Variants in SFXN5 observed in about 807,000 individuals in gnomAD.
SFXN5 encodes the protein sideroflexin-5.
SFXN5 carries 43 observed loss-of-function variants against 50.2 expected under a neutral mutation model. The ratio of observed to expected loss-of-function variants is 0.86; its 90% confidence interval spans 0.67 to 1.11. The LOEUF is 1.11. Among genes scored for constraint, SFXN5 ranks in the 50% least tolerant of loss-of-function variants. SFXN5 has a pLI of 0.00. For missense variants in SFXN5, 463 were observed against 454.1 expected, an observed-to-expected ratio of 1.02 and a Z score of -0.18; for synonymous variants, 203 against 185.8, an observed-to-expected ratio of 1.09 and a Z score of -0.75.
intron 12 of SFXN5, chr2:72,967,467 A>AG (rs376228594): frequency 2.6e-5 from 4 of 152,278 alleles, no homozygotes; most frequent in East Asian, 3.9e-4. Context: ...GGCCTCTTTG[A>AG]GGGGGTGGCA....
chr2:73,053,022 C>T (rs966020833), intron 2 of SFXN5, among the ~76,000 whole-genome samples: 1 of 152,094 alleles, frequency 6.6e-6, no homozygotes, highest in Non-Finnish European at 1.5e-5. Flanking sequence ...TACAAAAATA[C>T]AAAAATTATC....
chr2:72,980,377 C>T (rs1387456898), intron 10 of SFXN5, among the ~76,000 whole-genome samples: 2 of 152,150 alleles, frequency 1.3e-5, no homozygotes, highest in African/African-American at 2.4e-5. Flanking sequence ...CTCTCACACT[C>T]GAATCACAGC....
Position 73,000,282 on chromosome 2 carries a change from G to A in SFXN5, c.468+149C>T, listed in dbSNP as rs567041687. ...TCATGTCTGAGTCGGCCACCCACCT[G>A]AAGGGCTGGCATTTTAAATAAGATA... On this transcript the variant is annotated intron_variant, in intron 8 of 13. Coordinates refer to ENST00000272433, the MANE Select transcript of SFXN5 (RefSeq NM_144579.3). The A allele has an allele frequency of 3.5e-5, 27 of 763,526 alleles. No homozygotes were observed. In the African/African-American group the frequency reaches 4.1e-4, roughly 12 times the overall value. The allele number at this position is 763,526 out of a possible 1,614,324, so 47.3% of individuals were successfully genotyped here.
intron 1 of SFXN5, among the ~76,000 whole-genome samples, chr2:73,065,460 G>A (rs1387674250): frequency 6.6e-6 from 1 of 151,932 alleles, no homozygotes; most frequent in Non-Finnish European, 1.5e-5. Context: ...GAGTGCAATG[G>A]TGCAATCTCG....
chr2:73,038,258 A>G (rs1679210639), intron 3 of SFXN5, among the ~76,000 whole-genome samples: 1 of 152,198 alleles, frequency 6.6e-6, no homozygotes, highest in African/African-American at 2.4e-5. Flanking sequence ...GTGTATGTAA[A>G]CGGTTTGTGT....
At position 73,000,503 on chromosome 2, in the gene SFXN5, G is replaced by A. The variant is rs776038860; in HGVS notation, c.412-16C>T. 3.2e-6 allele frequency: 5 copies of A among 1,555,942 alleles called. 1 individual carries two copies. In the South Asian group the frequency reaches 3.6e-5, roughly 11 times the overall value. On this transcript the variant is annotated splice_polypyrimidine_tract_variant and intron_variant, in intron 7 of 13. Coordinates refer to ENST00000272433, the MANE Select transcript of SFXN5 (RefSeq NM_144579.3). ...GGTTCAGCCACTGAAAGGCAATGAT[G>A]AGAGAAGTCAGGGAAGGAGTGGTCA...
intron 3 of SFXN5, among the ~76,000 whole-genome samples, chr2:73,027,088 TAAAC>T (rs1677657972): frequency 6.6e-6 from 1 of 152,164 alleles, no homozygotes; most frequent in African/African-American, 2.4e-5. Flanking sequence ...AGTTAACTGT[TAAAC>T]AGCCTCAGGC....
At chr2:72,952,764 C>T (rs1025187510) in intron 13 of SFXN5, among the ~76,000 whole-genome samples, 1 of 152,166 alleles carries the variant, frequency 6.6e-6, no homozygotes, top group Non-Finnish European at 1.5e-5. Context: ...GATTATATCA[C>T]AAAATGGATA....
chr2:73,052,026 T>A (rs1681397688), intron 2 of SFXN5, among the ~76,000 whole-genome samples: 1 of 152,198 alleles, frequency 6.6e-6, no homozygotes, highest in Non-Finnish European at 1.5e-5. Flanking sequence ...ATTTTTTTTT[T>A]AATTTAATGT....
intron 13 of SFXN5, among the ~76,000 whole-genome samples, chr2:72,959,362 A>C (rs1282178486): frequency 6.6e-6 from 1 of 151,912 alleles, no homozygotes; most frequent in Non-Finnish European, 1.5e-5. Flanking sequence ...AGAAGAAAGG[A>C]TCTGTGGCCC....
intron 6 of SFXN5, among the ~76,000 whole-genome samples, chr2:73,017,118 C>A (rs1405266412): frequency 6.6e-6 from 1 of 152,036 alleles, no homozygotes; most frequent in East Asian, 1.9e-4. Flanking sequence ...TAAATTGAAC[C>A]ATCGTACGTC....
chr2:72,965,795 G>GC (rs1674323528), intron 12 of SFXN5, among the ~76,000 whole-genome samples: 1 of 152,158 alleles, frequency 6.6e-6, no homozygotes, highest in African/African-American at 2.4e-5. Context: ...AAACATCTCT[G>GC]CCAACTGGGA....
chr2:73,029,380 C>T (rs935480455), intron 3 of SFXN5, among the ~76,000 whole-genome samples: 11 of 152,272 alleles, frequency 7.2e-5, no homozygotes, highest in African/African-American at 2.2e-4. Flanking sequence ...ACTCATAGAA[C>T]GTGCTCAATA....
chr2:73,017,439 C>T (rs1201077442), intron 6 of SFXN5, among the ~76,000 whole-genome samples: 1 of 152,138 alleles, frequency 6.6e-6, no homozygotes, highest in Non-Finnish European at 1.5e-5. Context: ...AAGTAGATAA[C>T]ATAAACACAT....
chr2:72,965,831 C>T (rs143791082), intron 12 of SFXN5, among the ~76,000 whole-genome samples: 2 of 152,322 alleles, frequency 1.3e-5, no homozygotes, highest in African/African-American at 4.8e-5. Flanking sequence ...TGTTTTTCCC[C>T]AGCAAATTCT....
chr2:72,967,639 C>T (rs1354245428), intron 12 of SFXN5, among the ~76,000 whole-genome samples: 1 of 152,186 alleles, frequency 6.6e-6, no homozygotes, highest in East Asian at 1.9e-4. Flanking sequence ...TGTCCTTATA[C>T]CACACGCCCC....
chr2:72,980,587 T>A (rs1671173806), intron 10 of SFXN5, among the ~76,000 whole-genome samples: 1 of 152,204 alleles, frequency 6.6e-6, no homozygotes, highest in Admixed American at 6.5e-5. Flanking sequence ...CGACTCAGGA[T>A]CGGGAATTTC....
At chr2:72,991,493 G>A (rs1446173971) in intron 9 of SFXN5, among the ~76,000 whole-genome samples, 1 of 152,286 alleles carries the variant, frequency 6.6e-6, no homozygotes, top group Admixed American at 6.5e-5. Flanking sequence ...CCACTTGCCA[G>A]TGATGGGCCC....
At chr2:73,029,196 C>T (rs1328489428) in intron 3 of SFXN5, among the ~76,000 whole-genome samples, 2 of 152,208 alleles carry the variant, frequency 1.3e-5, no homozygotes, top group Non-Finnish European at 2.9e-5. Flanking sequence ...AGGAGGCATC[C>T]TGGCATCATC....
Sources: allele counts gnomAD v4.1 joint callset (sites outside exome capture counted in the v4.1 genomes callset), GRCh38; gene constraint gnomAD v4.1.1; transcripts MANE v1.5; gene names NCBI Gene and HGNC (gene_info 2026-07-23, HGNC 2026-07-21).